Variants in ECSCR observed in about 807,000 individuals in gnomAD.
The protein encoded by ECSCR is endothelial cell-specific chemotaxis regulator.
ECSCR carries 12 observed loss-of-function variants against 16.7 expected under a neutral mutation model. That is an observed-to-expected ratio of 0.72 (90% confidence interval 0.46 to 1.17). The LOEUF (loss-of-function observed/expected upper bound fraction) is 1.17, where lower values mean the gene tolerates loss of function less well. Ranked by LOEUF, ECSCR falls within the 50% of genes most tolerant of loss-of-function variation. ECSCR has a pLI of 0.00. For synonymous variants in ECSCR, 44 were observed against 42.2 expected (o/e 1.04, Z -0.17); for missense variants, 122 against 116.1 (o/e 1.05, Z -0.23).
intron 8 of ECSCR, among the ~76,000 whole-genome samples, chr5:139,450,858 C>A (rs960097675): frequency 8.6e-5 from 13 of 151,712 alleles, no homozygotes; most frequent in African/African-American, 2.9e-4. Context: ...CCATTGTGTT[C>A]GGCACATAAG....
chr5:139,462,519 G>A, intron 1 of ECSCR, 91 bp downstream of exon 1: 2 of 1,323,496 alleles, frequency 1.5e-6, no homozygotes, highest in Non-Finnish European at 2.1e-6. Flanking sequence ...CCCCTGGATG[G>A]AAAGCATGTG....
chr5:139,451,354 T>TG (rs1273733406), intron 8 of ECSCR, among the ~76,000 whole-genome samples: 11 of 150,392 alleles, frequency 7.3e-5, no homozygotes, highest in Non-Finnish European at 1.5e-4. Flanking sequence ...ATGTATAATA[T>TG]GGGGTACATA....
intron 6 of ECSCR, 145 bp from the exon 7 acceptor site, chr5:139,455,068 G>C (rs915405464): frequency 6.9e-4 from 192 of 280,060 alleles, no homozygotes; most frequent in South Asian, 4.4e-3. Flanking sequence ...GAACAGGTGA[G>C]CTCTCAGCCT....
intron 4 of ECSCR, among the ~76,000 whole-genome samples, chr5:139,457,314 G>A (rs1751179667): frequency 6.6e-6 from 1 of 152,112 alleles, no homozygotes; most frequent in Admixed American, 6.6e-5. Context: ...GCTGCTTCTG[G>A]GAGTCATCCC....
chr5:139,459,324 C>G (rs1751241837), intron 1 of ECSCR, among the ~76,000 whole-genome samples: 1 of 152,002 alleles, frequency 6.6e-6, no homozygotes, highest in Non-Finnish European at 1.5e-5. Context: ...AAAGTAAGTT[C>G]TGAGGTATAT....
At chr5:139,455,190 A>G in intron 6 of ECSCR, 133 bp downstream of exon 6, 3 of 397,204 alleles carry the variant, frequency 7.6e-6, no homozygotes, top group Admixed American at 4.4e-5. Flanking sequence ...CCCCTCCACA[A>G]GGGTCTTCCT....
At chr5:139,452,060 G>T (rs2152088282) in intron 8 of ECSCR, among the ~76,000 whole-genome samples, 1 of 150,300 alleles carries the variant, frequency 6.7e-6, no homozygotes, top group South Asian at 2.1e-4. Flanking sequence ...TGGTGTATGT[G>T]GGGGTGTGTG....
At position 139,454,812 on chromosome 5, in the gene ECSCR, G is replaced by A. The variant is rs946949954; in HGVS notation, c.475+13C>T. ...GCAGAGGGGAAAAAGATCCCCGAGG[G>A]CAGGGCACGCACCTTCAGACTCCTT... On this transcript the variant is annotated intron_variant, in intron 7 of 9. Transcript: ENST00000618155. The A allele has an allele frequency of 2.5e-5, 10 of 398,394 alleles. No homozygotes were observed. The highest frequency in any genetic ancestry group is 4.4e-5 in the Non-Finnish European group (10 of 226,100). The allele number at this position is 398,394 out of a possible 1,614,324, so 24.7% of individuals were successfully genotyped here.
At chr5:139,449,631 A>G (rs1312806151) in intron 8 of ECSCR, among the ~76,000 whole-genome samples, 1 of 152,048 alleles carries the variant, frequency 6.6e-6, no homozygotes, top group Non-Finnish European at 1.5e-5. Flanking sequence ...GAGCCACTGC[A>G]CCTGGCCAAG....
At chr5:139,459,860 A>G (rs1751254402) in intron 1 of ECSCR, among the ~76,000 whole-genome samples, 1 of 152,200 alleles carries the variant, frequency 6.6e-6, no homozygotes, top group African/African-American at 2.4e-5. Flanking sequence ...GCCTTCCTCC[A>G]TGGGGCTATC....
chr5:139,455,177 G>GC (rs1751128622), intron 6 of ECSCR, 146 bp downstream of exon 6: 3 of 244,626 alleles, frequency 1.2e-5, no homozygotes, highest in African/African-American at 1.4e-4. Flanking sequence ...GAGGGCAGGG[G>GC]CCCCCCTCCA....
Position 139,457,558 on chromosome 5 carries a change from G to A in ECSCR, c.204C>T (p.Ser68=). ...SEANRPSHLS[S]TGTPGAGVPS... is the part of the protein sequence containing the mutation. ...ATGACACAGTACCTGGGGTACCAGT[G>A]CTGGACAGATGGCTTGGCCTGTTAG... is the stretch of plus-strand genomic sequence containing the variant. Residue 68 remains serine, a synonymous_variant, in exon 4 of 10, where the codon AGC becomes AGT. Transcript: ENST00000618155. 1 of 791,136 alleles carries A rather than the reference G, an allele frequency of 1.3e-6. No individual in the cohort carries two copies. The highest frequency in any genetic ancestry group is 2.3e-6 in the Non-Finnish European group (1 of 427,406). 49.0% of individuals were successfully genotyped at this position (791,136 alleles called of 1,614,324 possible).
intron 1 of ECSCR, among the ~76,000 whole-genome samples, chr5:139,460,078 G>A (rs1169095395): frequency 1.3e-5 from 2 of 152,034 alleles, no homozygotes; most frequent in Admixed American, 1.3e-4. Context: ...TTAACCCAAG[G>A]CATGTCCTGA....
intron 5 of ECSCR, among the ~76,000 whole-genome samples, chr5:139,456,215 A>G (rs1043406825): frequency 1.3e-5 from 2 of 152,178 alleles, no homozygotes; most frequent in African/African-American, 4.8e-5. Flanking sequence ...GAGAGCCGGG[A>G]TCGCACCGCT....
rs976755298 is a variant in ECSCR, at chr5:139,457,675, C to T, written c.158-71G>A. 3.9e-6 allele frequency: 6 copies of T among 1,533,140 alleles called. No homozygotes were observed. The African/African-American group carries it at 6.8e-5, about 17-fold the overall frequency. The allele number at this position is 1,533,140 out of a possible 1,614,324, so 95.0% of individuals were successfully genotyped here. ...GGTGACACCACACTCCCTGTCCCAC[C>T]CAAGAACCCCTGGGCTCCAAGCAGG... On this transcript the variant is annotated intron_variant, in intron 3 of 9. Coordinates refer to ENST00000618155, the MANE Select transcript of ECSCR (RefSeq NM_001077693.4).
chr5:139,459,156 G>C (rs1007735955), intron 1 of ECSCR, among the ~76,000 whole-genome samples: 33 of 152,158 alleles, frequency 2.2e-4, no homozygotes, highest in Non-Finnish European at 3.1e-4. Flanking sequence ...ACCTAGACAA[G>C]GAAGGGCCCA....
At chr5:139,455,877 A>G (rs1751146292) in intron 5 of ECSCR, among the ~76,000 whole-genome samples, 1 of 149,036 alleles carries the variant, frequency 6.7e-6, no homozygotes, top group South Asian at 2.1e-4. Context: ...TAATCCCAGC[A>G]CTTTGGGAGG....
chr5:139,454,856 C>A lies in ECSCR; in HGVS notation c.444G>T (p.Arg148Ser). The part of the protein sequence containing the change: ...VIILVGVVSL[R>S]FKCRKSKESE... ...ACTCCTTGCTCTTCCGACACTTGAACCTCAGGCTGACCACACCAACTAGGA... is the reference window on the plus strand; with the variant it reads ...ACTCCTTGCTCTTCCGACACTTGAAACTCAGGCTGACCACACCAACTAGGA... Residue 148 changes from arginine to serine, a missense_variant, in exon 7 of 10, where the codon AGG (arginine) becomes AGT (serine). Coordinates refer to ENST00000618155, the MANE Select transcript of ECSCR (RefSeq NM_001077693.4). 1 of 398,798 alleles carries A rather than the reference C, an allele frequency of 2.5e-6. No homozygotes were observed. The highest frequency in any genetic ancestry group is 4.4e-6 in the Non-Finnish European group (1 of 226,312). The allele number at this position is 398,798 out of a possible 1,614,324, so 24.7% of individuals were successfully genotyped here. A position where few individuals can be genotyped will look rare whatever the true frequency, so the allele number is the denominator to read the frequency against.
intron 8 of ECSCR, among the ~76,000 whole-genome samples, chr5:139,453,803 T>G (rs1486165363): frequency 1.6e-5 from 1 of 60,650 alleles, no homozygotes; most frequent in Non-Finnish European, 3.5e-5. Context: ...GTGTGTGTGG[T>G]GTGTGATGTG....
Sources: allele counts gnomAD v4.1 joint callset (sites outside exome capture counted in the v4.1 genomes callset), GRCh38; gene constraint gnomAD v4.1.1; transcripts MANE v1.5; gene names NCBI Gene and HGNC (gene_info 2026-07-23, HGNC 2026-07-21).